The following MYPN variants were observed in gnomAD, a reference collection of about 807,000 sequenced individuals.
MYPN encodes sarcomeric protein myopalladin, 145 kDa (MYOP).
In MYPN, 63 loss-of-function variants were observed where a neutral mutation model predicts 129.4. The ratio of observed to expected loss-of-function variants is 0.49; its 90% CI spans 0.40 to 0.60. MYPN has a LOEUF of 0.60. Among genes scored for constraint, MYPN ranks in the 20% least tolerant of loss-of-function variants. The pLI, the probability that MYPN is intolerant of heterozygous loss-of-function variation, is 0.00. For missense variants in MYPN, 1,596 were observed against 1,635.4 expected, an observed-to-expected ratio of 0.98 and a Z score of 0.42; for synonymous variants, 629 against 600.9, an observed-to-expected ratio of 1.05 and a Z score of -0.68.
chr10:68,190,030 A>ATT (rs34958670), intron 13 of MYPN, among the ~76,000 whole-genome samples: 21 of 150,710 alleles, frequency 1.4e-4, no homozygotes, highest in Middle Eastern at 3.4e-3. Context: ...CCTCACCAGC[A>ATT]TTTTTTTTTG....
At chr10:68,191,542 T>C (rs1055749888) in intron 13 of MYPN, among the ~76,000 whole-genome samples, 2 of 152,166 alleles carry the variant, frequency 1.3e-5, no homozygotes, top group African/African-American at 4.8e-5. Flanking sequence ...CTGCAAAGGA[T>C]GTCATTGTTG....
At chr10:68,097,835 A>G (rs2041963809) in intron 1 of MYPN, among the ~76,000 whole-genome samples, 2 of 152,028 alleles carry the variant, frequency 1.3e-5, no homozygotes, top group African/African-American at 4.8e-5. Flanking sequence ...TCCAAATTTT[A>G]AAATTGTTCA....
upstream of MYPN, chr10:68,109,247 C>A (rs2042048501): frequency 1.2e-5 from 2 of 173,164 alleles, no homozygotes; most frequent in Admixed American, 5.7e-5. Flanking sequence ...AAAAATAATG[C>A]CATTTTTTTG....
intron 10 of MYPN, among the ~76,000 whole-genome samples, chr10:68,169,962 A>C (rs2043120001): frequency 6.6e-6 from 1 of 152,060 alleles, no homozygotes; most frequent in Non-Finnish European, 1.5e-5. Flanking sequence ...CTGGTCTCAA[A>C]TGCCTGACCC....
At chr10:68,089,135 G>T (rs1489218834) in intron 1 of MYPN, among the ~76,000 whole-genome samples, 1 of 152,122 alleles carries the variant, frequency 6.6e-6, no homozygotes, top group Non-Finnish European at 1.5e-5. Context: ...GGGTTTAAGT[G>T]ATTCTCATGC....
At position 68,175,211 on chromosome 10, in the gene MYPN, G is replaced by C. The variant is rs555752896; in HGVS notation, c.2565-112G>C. ...CTCTGCACAGGGCTTAATTCCCTAA[G>C]TGCCTAATGACCGCTGGTTTCTGGT... On this transcript the variant is annotated intron_variant, in intron 11 of 19. Coordinates refer to ENST00000358913, the MANE Select transcript of MYPN (RefSeq NM_032578.4). 11 of 1,132,920 alleles carry C rather than the reference G, an allele frequency of 9.7e-6. No homozygotes were observed. The African/African-American group carries it at 1.7e-4, about 17-fold the overall frequency. 70.2% of individuals were successfully genotyped at this position (1,132,920 alleles called of 1,614,324 possible). A position where few individuals can be genotyped will look rare whatever the true frequency, so the allele number is the denominator to read the frequency against.
chr10:68,174,323 T>G lies in MYPN; in HGVS notation c.2231T>G (p.Val744Gly), dbSNP rs1353116522. The change falls in exon 11 of 20, where the codon GTG becomes GGG. Residue 744 changes from valine (V) to glycine (G), a missense_variant. Transcript: ENST00000358913. ...ACTGTGGCCCCTTCCAGCTCTCCGG[T>G]GTTCACTTTGAGCAGCACTCCTCAA... ...AATVAPSSSP[V>G]FTLSSTPQTI... 1.2e-6 allele frequency: 2 copies of G among 1,614,098 alleles called. No homozygotes were observed. The highest frequency in any genetic ancestry group is 1.1e-5 in the South Asian group (1 of 91,076).
intron 13 of MYPN, among the ~76,000 whole-genome samples, chr10:68,191,630 C>T (rs748028614): frequency 5.3e-5 from 8 of 152,174 alleles, no homozygotes; most frequent in African/African-American, 9.7e-5. Context: ...TCTTCCAATT[C>T]GTGAACGTGG....
At chr10:68,124,848 G>T (rs2042301842) in intron 2 of MYPN, among the ~76,000 whole-genome samples, 1 of 152,168 alleles carries the variant, frequency 6.6e-6, no homozygotes, top group South Asian at 2.1e-4. Flanking sequence ...CTACTCTTCT[G>T]CTCTGAACGT....
chr10:68,131,091 C>G (rs983268250), intron 2 of MYPN, among the ~76,000 whole-genome samples: 1 of 151,984 alleles, frequency 6.6e-6, no homozygotes, highest in Non-Finnish European at 1.5e-5. Context: ...ATCCTCTTAC[C>G]AAGTTTTAAA....
intron 13 of MYPN, among the ~76,000 whole-genome samples, chr10:68,192,896 TCTCTC>T (rs1232139439): frequency 6.6e-6 from 1 of 152,002 alleles, no homozygotes; most frequent in African/African-American, 2.4e-5. Flanking sequence ...ATTTGGGTCT[TCTCTC>T]TTCTCTCTTT....
intron 6 of MYPN, among the ~76,000 whole-genome samples, chr10:68,155,343 A>G (rs1205251742): frequency 6.6e-6 from 1 of 152,218 alleles, no homozygotes; most frequent in African/African-American, 2.4e-5. Context: ...CAAGCTTCCC[A>G]AGTCTCTATG....
At chr10:68,201,357 A>G (rs1485266785) in intron 17 of MYPN, among the ~76,000 whole-genome samples, 1 of 152,210 alleles carries the variant, frequency 6.6e-6, no homozygotes, top group Non-Finnish European at 1.5e-5. Context: ...CCTCACTAAA[A>G]GACATGAGGA....
intron 1 of MYPN, among the ~76,000 whole-genome samples, chr10:68,095,477 G>GGT (rs2041952281): frequency 6.6e-6 from 1 of 152,014 alleles, no homozygotes; most frequent in Non-Finnish European, 1.5e-5. Context: ...TCACACTGCA[G>GGT]ACCAGGGTCT....
upstream of MYPN, chr10:68,106,845 C>A: frequency 1.4e-6 from 1 of 715,444 alleles, no homozygotes; most frequent in Non-Finnish European, 2.6e-6. Context: ...ATTAAGAAAA[C>A]AGCTGAAGGC....
upstream of MYPN, among the ~76,000 whole-genome samples, chr10:68,103,437 A>T (rs1315914120): frequency 6.6e-6 from 1 of 152,204 alleles, no homozygotes; most frequent in African/African-American, 2.4e-5. Flanking sequence ...GCTTAGTCAT[A>T]TGCTATTTTT....
At chr10:68,174,943 T>C (rs1440581286) in intron 11 of MYPN, among the ~76,000 whole-genome samples, 2 of 152,060 alleles carry the variant, frequency 1.3e-5, no homozygotes, top group African/African-American at 4.8e-5. Context: ...GACAGCAGCC[T>C]GGGCAACATG....
In MYPN at chr10:68,199,097, T is replaced by G. The variant is rs117557865; in HGVS notation, c.3286-271T>G. 0.011 allele frequency among the ~76,000 whole-genome samples: 1,609 copies of G among 152,304 alleles called. 16 individuals carry two copies. The highest frequency in any genetic ancestry group is 0.016 in the South Asian group (78 of 4,822). On this transcript the variant is annotated intron_variant, in intron 16 of 19. Transcript: ENST00000358913. ...CTGCAGGCCTATTATATCTATCTAT[T>G]TCACTTTTTAATTCTTATTTATTCT... is the stretch of plus-strand genomic sequence containing the variant.
At chr10:68,146,346 G>T (rs1225346050) in intron 4 of MYPN, among the ~76,000 whole-genome samples, 1 of 152,228 alleles carries the variant, frequency 6.6e-6, no homozygotes, top group Non-Finnish European at 1.5e-5. Flanking sequence ...GCAAAACCCA[G>T]TCTAAATGTT....
Sources: gnomAD v4.1 joint callset for allele counts (sites outside exome capture counted in the v4.1 genomes callset) on GRCh38, gnomAD v4.1.1 for gene constraint, MANE v1.5 for transcripts, NCBI Gene and HGNC (gene_info 2026-07-23, HGNC 2026-07-21) for gene names.